CHCHD3: variants seen among roughly 807,000 people sequenced by gnomAD.
The protein encoded by CHCHD3 is coiled-coil-helix-coiled-coil-helix domain containing 3.
Under a neutral mutation model 38.2 loss-of-function variants are expected in CHCHD3, and 20 were observed. The ratio of observed to expected loss-of-function variants is 0.52; its 90% confidence interval spans 0.37 to 0.76. The LOEUF (loss-of-function observed/expected upper bound fraction) is 0.76. Among genes scored for constraint, CHCHD3 ranks in the 30% least tolerant of loss-of-function variants. CHCHD3 has a pLI of 0.00. For missense variants in CHCHD3, 245 were observed against 279.2 expected, an observed-to-expected ratio of 0.88 and a Z score of 0.87; for synonymous variants, 82 against 100.0, an observed-to-expected ratio of 0.82 and a Z score of 1.07.
At chr7:132,858,549 T>C (rs1808402317) in intron 5 of CHCHD3, among the ~76,000 whole-genome samples, 2 of 152,202 alleles carry the variant, frequency 1.3e-5, no homozygotes, top group South Asian at 4.1e-4. Flanking sequence ...GATATCAACT[T>C]TCTGAGTTTT....
chr7:132,817,360 G>A (rs1423452346), intron 6 of CHCHD3, among the ~76,000 whole-genome samples: 1 of 151,998 alleles, frequency 6.6e-6, no homozygotes. Flanking sequence ...AGATTTCAAA[G>A]GGAAGGAAAG....
At chr7:133,029,550 C>T (rs1357099267) in intron 2 of CHCHD3, among the ~76,000 whole-genome samples, 1 of 152,132 alleles carries the variant, frequency 6.6e-6, no homozygotes, top group Non-Finnish European at 1.5e-5. Context: ...TCATAGTGCA[C>T]TTTATGCCTA....
chr7:132,927,867 T>C (rs1025346386), intron 4 of CHCHD3, among the ~76,000 whole-genome samples: 1 of 152,232 alleles, frequency 6.6e-6, no homozygotes, highest in African/African-American at 2.4e-5. Context: ...CCATCTTACC[T>C]GTGAAGTATC....
At chr7:133,021,648 C>T (rs949347957) in intron 3 of CHCHD3, among the ~76,000 whole-genome samples, 2 of 152,136 alleles carry the variant, frequency 1.3e-5, no homozygotes, top group African/African-American at 4.8e-5. Context: ...ATAAAATTCA[C>T]CAACCTGTTT....
rs373758954 is a variant in CHCHD3, at chr7:132,886,626, G to A, written c.370-881C>T. Among the ~76,000 whole-genome samples, 8 of 151,230 alleles carry A rather than the reference G, an allele frequency of 5.3e-5. No homozygotes were observed. In the East Asian group the frequency reaches 1.2e-3, roughly 22 times the overall value. ...CTGACTACAACTTATAAGAAAGTGT[G>A]TGTGTGTATATATATGTGTATATAT... On this transcript the variant is annotated intron_variant, in intron 4 of 7. Transcript: ENST00000262570.
intron 4 of CHCHD3, among the ~76,000 whole-genome samples, chr7:132,895,134 T>C (rs1809461236): frequency 6.6e-6 from 1 of 152,196 alleles, no homozygotes; most frequent in Non-Finnish European, 1.5e-5. Context: ...GCTGCCATAT[T>C]ATAAAGACAC....
At chr7:132,972,985 G>A in intron 4 of CHCHD3, 1 of 985,328 alleles carries the variant, frequency 1.0e-6, no homozygotes, top group Non-Finnish European at 1.2e-6. Context: ...ATCAAAACAT[G>A]TTGCTTAATA....
At chr7:132,820,526 C>T (rs1389037993) in intron 6 of CHCHD3, among the ~76,000 whole-genome samples, 1 of 151,880 alleles carries the variant, frequency 6.6e-6, no homozygotes, top group African/African-American at 2.4e-5. Context: ...CAAGGCTGCA[C>T]CTGTGATTGA....
chr7:132,925,823 C>T (rs1810364380), intron 4 of CHCHD3, among the ~76,000 whole-genome samples: 2 of 152,050 alleles, frequency 1.3e-5, no homozygotes, highest in Non-Finnish European at 2.9e-5. Context: ...AAAACGTTTC[C>T]AAAAGATGAG....
At chr7:132,846,496 T>C (rs1326419607) in intron 5 of CHCHD3, among the ~76,000 whole-genome samples, 1 of 152,278 alleles carries the variant, frequency 6.6e-6, no homozygotes, top group East Asian at 1.9e-4. Context: ...TAACTGATTA[T>C]GCTCCTTCTC....
At chr7:133,032,456 A>G (rs925218605) in intron 2 of CHCHD3, among the ~76,000 whole-genome samples, 1 of 152,224 alleles carries the variant, frequency 6.6e-6, no homozygotes, top group Non-Finnish European at 1.5e-5. Flanking sequence ...AACAGCATCA[A>G]GTTAATGGCT....
chr7:133,032,968 T>C (rs1485610513), intron 2 of CHCHD3, among the ~76,000 whole-genome samples: 1 of 152,200 alleles, frequency 6.6e-6, no homozygotes, highest in Non-Finnish European at 1.5e-5. Flanking sequence ...CCACCCAAGC[T>C]CTTTTCCATT....
intron 4 of CHCHD3, among the ~76,000 whole-genome samples, chr7:132,893,935 T>G (rs1264387975): frequency 6.6e-6 from 1 of 152,244 alleles, no homozygotes; most frequent in African/African-American, 2.4e-5. Flanking sequence ...TATTTCTTTA[T>G]AGCAGTGTGA....
chr7:133,050,340 TA>T (rs35635002), intron 2 of CHCHD3, among the ~76,000 whole-genome samples: 1,248 of 31,596 alleles, frequency 0.039, 2 homozygotes, highest in Non-Finnish European at 0.055. Context: ...GGCTGTGTCT[TA>T]AAAAAAAAAA....
chr7:133,081,740 G>A (rs1815176854), intron 1 of CHCHD3, 117 bp downstream of exon 1: 7 of 960,088 alleles, frequency 7.3e-6, no homozygotes, highest in Non-Finnish European at 1.1e-5. Flanking sequence ...CTGGGCTTCT[G>A]GCCTTAATAC....
intron 6 of CHCHD3, among the ~76,000 whole-genome samples, chr7:132,803,650 T>C (rs1015685955): frequency 6.6e-6 from 1 of 151,926 alleles, no homozygotes; most frequent in Non-Finnish European, 1.5e-5. Flanking sequence ...TTTATTCCTT[T>C]ATCTACTCAG....
intron 3 of CHCHD3, among the ~76,000 whole-genome samples, chr7:133,012,898 G>T (rs1400838825): frequency 6.6e-6 from 1 of 151,260 alleles, no homozygotes; most frequent in Non-Finnish European, 1.5e-5. Flanking sequence ...GACATCAAAA[G>T]GTCAGGGCTG....
intron 5 of CHCHD3, among the ~76,000 whole-genome samples, chr7:132,871,663 C>T (rs1446847138): frequency 2.6e-5 from 4 of 152,110 alleles, no homozygotes; most frequent in African/African-American, 7.2e-5. Flanking sequence ...GTGGAAACTA[C>T]ACTATGATTA....
chr7:132,884,914 T>A (rs1272394086), intron 5 of CHCHD3, among the ~76,000 whole-genome samples: 1 of 152,224 alleles, frequency 6.6e-6, no homozygotes, highest in African/African-American at 2.4e-5. Flanking sequence ...GAAGGAGACA[T>A]TCATTTCTAA....
Sources: gnomAD v4.1 joint callset for allele counts (sites outside exome capture counted in the v4.1 genomes callset) on GRCh38, gnomAD v4.1.1 for gene constraint, MANE v1.5 for transcripts, NCBI Gene and HGNC (gene_info 2026-07-23, HGNC 2026-07-21) for gene names.